Variants in CTBS observed in about 807,000 individuals in gnomAD.
The protein encoded by CTBS is di-N-acetylchitobiase.
Under a neutral mutation model 44.3 loss-of-function variants are expected in CTBS, and 35 were observed. That is an observed-to-expected ratio of 0.79 (90% confidence interval 0.60 to 1.05). The LOEUF (loss-of-function observed/expected upper bound fraction) is 1.05. CTBS is among the 50% of genes least tolerant of loss of function. The pLI is 0.00. For missense variants in CTBS, 458 were observed against 475.3 expected (o/e 0.96, Z 0.34); for synonymous variants, 143 against 168.0 (o/e 0.85, Z 1.15).
chr1:84,566,489 T>TA (rs1337525314), intron 3 of CTBS, among the ~76,000 whole-genome samples: 2 of 152,208 alleles, frequency 1.3e-5, no homozygotes, highest in Admixed American at 6.5e-5. Flanking sequence ...ACAATCACCT[T>TA]ATATGGTAGA....
At chr1:84,560,137 A>G (rs1029035408) in intron 6 of CTBS, among the ~76,000 whole-genome samples, 2 of 151,182 alleles carry the variant, frequency 1.3e-5, no homozygotes, top group African/African-American at 4.9e-5. Context: ...AAGAAAGGAA[A>G]GAAAGAAAGA....
At chr1:84,565,330 G>A (rs1191354451) in intron 4 of CTBS, among the ~76,000 whole-genome samples, 7 of 152,102 alleles carry the variant, frequency 4.6e-5, no homozygotes, top group Admixed American at 2.0e-4. Context: ...CAGGTCAAAA[G>A]TACTCAAATT....
rs767221016 is a variant in CTBS at position 84,553,096 on chromosome 1, AAAT to A, written c.*1900_*1902del. On this transcript the variant is annotated 3_prime_UTR_variant, in exon 7 of 7. Transcript: ENST00000370630. The stretch of plus-strand genomic sequence containing the variant: ...AAAACTGAACTGGCACAGAAAAAAA[AAAT>A]AATACATCTCTACAATCTCAATTAG... 3 of 1,524,524 alleles carry A rather than the reference AAAT, an allele frequency of 2.0e-6. No individual in the cohort carries two copies. The highest frequency in any genetic ancestry group is 2.8e-5 in the African/African-American group (2 of 71,494). The allele number at this position is 1,524,524 out of a possible 1,614,324, so 94.4% of individuals were successfully genotyped here.
chr1:84,565,894 A>T lies in CTBS; in HGVS notation c.644T>A (p.Ile215Asn). The T allele has an allele frequency of 2.5e-6, 4 of 1,593,656 alleles. No homozygotes were observed. The highest frequency in any genetic ancestry group is 3.4e-6 in the Non-Finnish European group (4 of 1,171,146). Residue 215 changes from isoleucine (I) to asparagine (N), a missense_variant, in exon 4 of 7, where the codon ATC (isoleucine) becomes AAC (asparagine). Transcript: ENST00000370630. Reference sequence around the variant, plus strand: ...GGCTGCTGCAATACATTCTGACCAGATCTGACTTTGTTCATCATAAGACAT... The same window carrying T: ...GGCTGCTGCAATACATTCTGACCAGTTCTGACTTTGTTCATCATAAGACAT... ...FVMSYDEQSQ[I>N]WSECIAAANA...
At position 84,551,823 on chromosome 1, in the gene CTBS, C is replaced by T. The variant is rs139995664; in HGVS notation, c.*3176G>A. ...GATAAAGCCAATATGTAAACTTGTA[C>T]ACTTAATAATTGGGTAGGTAGGAAG... On this transcript the variant is annotated 3_prime_UTR_variant, in exon 7 of 7. Coordinates refer to ENST00000370630, the MANE Select transcript of CTBS (RefSeq NM_004388.3). The T allele has an allele frequency of 1.3e-5, 2 of 152,220 alleles. No individual in the cohort carries two copies. Among genetic ancestry groups the T allele is most frequent in the East Asian group, 1.9e-4 (1 of 5,184 alleles). 9.4% of individuals were successfully genotyped at this position (152,220 alleles called of 1,614,324 possible).
At position 84,550,336 on chromosome 1, in the gene CTBS, T is replaced by A; in HGVS notation, c.*4663A>T. On this transcript the variant is annotated 3_prime_UTR_variant, in exon 7 of 7. Coordinates refer to ENST00000370630, the MANE Select transcript of CTBS (RefSeq NM_004388.3). Reference sequence around the variant, plus strand: ...ATAGGTTATTTTCATGATTTACTCTTTTGATCTTTATCATTTCATAGTTTA... The same window carrying A: ...ATAGGTTATTTTCATGATTTACTCTATTGATCTTTATCATTTCATAGTTTA... 1 of 546,146 alleles carries A rather than the reference T, an allele frequency of 1.8e-6. No homozygotes were observed. The highest frequency in any genetic ancestry group is 2.9e-6 in the Non-Finnish European group (1 of 340,190). 33.8% of individuals were successfully genotyped at this position (546,146 alleles called of 1,614,324 possible).
chr1:84,553,833 T>C lies in CTBS; in HGVS notation c.*1166A>G, dbSNP rs1684348113. 6.6e-6 allele frequency: 1 copy of C among 152,170 alleles called. No individual in the cohort carries two copies. Among genetic ancestry groups the C allele is most frequent in the South Asian group, 2.1e-4 (1 of 4,826 alleles). The allele number at this position is 152,170 out of a possible 1,614,324, so 9.4% of individuals were successfully genotyped here. A position where few individuals can be genotyped will look rare whatever the true frequency, so the allele number is the denominator to read the frequency against. On this transcript the variant is annotated 3_prime_UTR_variant, in exon 7 of 7. Coordinates refer to ENST00000370630, the MANE Select transcript of CTBS (RefSeq NM_004388.3). The stretch of plus-strand genomic sequence containing the variant: ...TAAATCTAGAGTTCAAAGATACAGA[T>C]TTTTAATCTGTAATTAGGAACTAAT...
At position 84,563,623 on chromosome 1, in the gene CTBS, A is replaced by G; in HGVS notation, c.795+112T>C. ...ATAGAAGTAAAAATAAATAATTTTTATCTCAAACTATATTTCAGAGATTCT... is the reference window on the plus strand; with the variant it reads ...ATAGAAGTAAAAATAAATAATTTTTGTCTCAAACTATATTTCAGAGATTCT... On this transcript the variant is annotated intron_variant, in intron 5 of 6. Coordinates refer to ENST00000370630, the MANE Select transcript of CTBS (RefSeq NM_004388.3). 1.0e-5 allele frequency: 7 copies of G among 698,484 alleles called. No homozygotes were observed. The South Asian group carries it at 2.0e-4, about 20-fold the overall frequency. The allele number at this position is 698,484 out of a possible 1,614,324, so 43.3% of individuals were successfully genotyped here. A position where few individuals can be genotyped will look rare whatever the true frequency, so the allele number is the denominator to read the frequency against.
chr1:84,552,932 A>G lies in CTBS; in HGVS notation c.*2067T>C. ...GAAAGCACTGAAGCCAAATGAGAGAAGACAGTTAAAGCGGTTACAAAAACC... is the reference window on the plus strand; with the variant it reads ...GAAAGCACTGAAGCCAAATGAGAGAGGACAGTTAAAGCGGTTACAAAAACC... On this transcript the variant is annotated 3_prime_UTR_variant, in exon 7 of 7. Transcript: ENST00000370630. 1 of 698,498 alleles carries G rather than the reference A, an allele frequency of 1.4e-6. No individual in the cohort carries two copies. The highest frequency in any genetic ancestry group is 3.0e-5 in the East Asian group (1 of 33,872). 43.3% of individuals were successfully genotyped at this position (698,498 alleles called of 1,614,324 possible). A position where few individuals can be genotyped will look rare whatever the true frequency, so the allele number is the denominator to read the frequency against.
chr1:84,573,838 T>C (rs1647385081), intron 1 of CTBS: 1 of 1,014,752 alleles, frequency 9.9e-7, no homozygotes, highest in Non-Finnish European at 1.2e-6. Context: ...ATACTCTGCA[T>C]TCTAATGTAC....
rs1684319957 is a variant in CTBS, at chr1:84,552,884, A to G, written c.*2115T>C. The G allele has an allele frequency of 1.0e-5, 6 of 581,140 alleles. No homozygotes were observed. The South Asian group carries it at 1.3e-4, about 12-fold the overall frequency. The allele number at this position is 581,140 out of a possible 1,614,324, so 36.0% of individuals were successfully genotyped here. On this transcript the variant is annotated 3_prime_UTR_variant, in exon 7 of 7. Transcript: ENST00000370630. ...AACAGCATTCATAATCTACACATTTACTGTAGTAATCCAGTGGGAGTTGAA... is the reference window on the plus strand; with the variant it reads ...AACAGCATTCATAATCTACACATTTGCTGTAGTAATCCAGTGGGAGTTGAA...
chr1:84,551,161 A>T lies in CTBS; in HGVS notation c.*3838T>A. 1.0e-6 allele frequency: 1 copy of T among 985,204 alleles called. No individual in the cohort carries two copies. The highest frequency in any genetic ancestry group is 1.2e-6 in the Non-Finnish European group (1 of 829,806). 61.0% of individuals were successfully genotyped at this position (985,204 alleles called of 1,614,324 possible). A position where few individuals can be genotyped will look rare whatever the true frequency, so the allele number is the denominator to read the frequency against. On this transcript the variant is annotated 3_prime_UTR_variant, in exon 7 of 7. Coordinates refer to ENST00000370630, the MANE Select transcript of CTBS (RefSeq NM_004388.3). ...TATGTATTAAAAAGCTTTTTTGTTGAACAGAAAACAGAAGATTATACATTT... is the reference window on the plus strand; with the variant it reads ...TATGTATTAAAAAGCTTTTTTGTTGTACAGAAAACAGAAGATTATACATTT...
intron 6 of CTBS, among the ~76,000 whole-genome samples, chr1:84,561,114 G>A (rs1248166557): frequency 6.6e-6 from 1 of 152,184 alleles, no homozygotes; most frequent in Non-Finnish European, 1.5e-5. Flanking sequence ...TCTGGCCAAA[G>A]TAAACTGAAA....
chr1:84,560,116 AGAAAGAAAGAAAGAAAG>A (rs1489711068), intron 6 of CTBS, among the ~76,000 whole-genome samples: 5 of 150,110 alleles, frequency 3.3e-5, no homozygotes, highest in Admixed American at 1.3e-4. Context: ...AAAGAAAGAA[AGAAAGAAAGAAAGAAAG>A]GAAAGAAAGA....
At chr1:84,568,638 T>C (rs1403362832) in intron 3 of CTBS, among the ~76,000 whole-genome samples, 1 of 152,178 alleles carries the variant, frequency 6.6e-6, no homozygotes, top group East Asian at 1.9e-4. Flanking sequence ...TTTGGATCTG[T>C]GTCCCCGCCC....
intron 1 of CTBS, among the ~76,000 whole-genome samples, chr1:84,571,908 C>G (rs1272180514): frequency 6.6e-6 from 1 of 152,066 alleles, no homozygotes; most frequent in Non-Finnish European, 1.5e-5. Flanking sequence ...AAGGGAAAGC[C>G]CAAAGGTCGC....
intron 1 of CTBS, 131 bp downstream of exon 1, chr1:84,574,108 C>T (rs1191651518): frequency 3.4e-6 from 5 of 1,480,728 alleles, no homozygotes; most frequent in African/African-American, 1.4e-5. Flanking sequence ...GATCCGTAAA[C>T]AGGAAGGCCC....
At chr1:84,564,803 T>A (rs1459423833) in intron 4 of CTBS, among the ~76,000 whole-genome samples, 3 of 152,160 alleles carry the variant, frequency 2.0e-5, no homozygotes, top group Non-Finnish European at 2.9e-5. Flanking sequence ...TGAAGCTCTC[T>A]GGGAGGCTGA....
At chr1:84,558,882 C>G (rs1684529355) in intron 6 of CTBS, among the ~76,000 whole-genome samples, 2 of 151,804 alleles carry the variant, frequency 1.3e-5, no homozygotes, top group South Asian at 4.1e-4. Flanking sequence ...TCCTGGGTGA[C>G]AGAGCAAAAC....
Sources: allele counts gnomAD v4.1 joint callset (sites outside exome capture counted in the v4.1 genomes callset), GRCh38; gene constraint gnomAD v4.1.1; transcripts MANE v1.5; gene names NCBI Gene and HGNC (gene_info 2026-07-23, HGNC 2026-07-21).